The following UGCG variants were observed in gnomAD, a reference collection of about 807,000 sequenced individuals.
UGCG encodes the protein ceramide glucosyltransferase.
UGCG carries 10 observed loss-of-function variants against 49.5 expected under a neutral mutation model. The observed-to-expected ratio is 0.20, with a 90% confidence interval of 0.12 to 0.34. The LOEUF (loss-of-function observed/expected upper bound fraction) is 0.34, where lower values mean the gene tolerates loss of function less well. Ranked by LOEUF, UGCG falls within the 10% of genes least tolerant of loss-of-function variation. UGCG has a pLI of 1.00. For missense variants in UGCG, 312 were observed against 483.7 expected (o/e 0.65, Z 3.33); for synonymous variants, 182 against 158.2 (o/e 1.15, Z -1.13).
chr9:111,934,726 T>C lies in UGCG; in HGVS notation c.*1729T>C, dbSNP rs1437257790. 1.4e-5 allele frequency: 2 copies of C among 146,862 alleles called. No homozygotes were observed. The highest frequency in any genetic ancestry group is 3.0e-5 in the Non-Finnish European group (2 of 66,256). The allele number at this position is 146,862 out of a possible 1,614,324, so 9.1% of individuals were successfully genotyped here. The stretch of plus-strand genomic sequence containing the variant: ...ACTGCTTCATCCTTTTTTCTTTCTT[T>C]TTTTTTTTTTTTAGCCTTATGATGA... On this transcript the variant is annotated 3_prime_UTR_variant, in exon 9 of 9. Coordinates refer to ENST00000374279, the MANE Select transcript of UGCG (RefSeq NM_003358.3).
Position 111,921,458 on chromosome 9 carries a change from C to T in UGCG, c.241-1391C>T, listed in dbSNP as rs547782132. On this transcript the variant is annotated intron_variant, in intron 2 of 8. Transcript: ENST00000374279. ...CAAGGTCACGAGTTTGAGACCAGCC[C>T]GGCCAATGAAACTCCGTCTCTACTA... Among the ~76,000 whole-genome samples, 19 of 151,886 alleles carry T rather than the reference C, an allele frequency of 1.3e-4. No individual in the cohort carries two copies. The South Asian group carries it at 2.5e-3, about 20-fold the overall frequency.
At position 111,897,325 on chromosome 9, in the gene UGCG, A is replaced by G; in HGVS notation, c.98+12A>G. On this transcript the variant is annotated intron_variant, in intron 1 of 8. Transcript: ENST00000374279. ...GCTATCATCTACACGTGAGTGAGGGACCGCAGGAGGGGCTCGGGGCAGGGG... is the reference window on the plus strand; with the variant it reads ...GCTATCATCTACACGTGAGTGAGGGGCCGCAGGAGGGGCTCGGGGCAGGGG... The G allele has an allele frequency of 6.5e-7, 1 of 1,548,932 alleles. No homozygotes were observed. Among genetic ancestry groups the G allele is most frequent in the Non-Finnish European group, 8.7e-7 (1 of 1,146,672 alleles).
chr9:111,897,874 C>T (rs1334482573), intron 1 of UGCG, among the ~76,000 whole-genome samples: 1 of 151,538 alleles, frequency 6.6e-6, no homozygotes, highest in East Asian at 1.9e-4. Context: ...TCAGCTTGTA[C>T]ATCTCAGCGT....
At chr9:111,929,284 AAATT>A (rs1193773253) in intron 5 of UGCG, 1 of 397,136 alleles carries the variant, frequency 2.5e-6, no homozygotes, top group African/African-American at 2.1e-5. Flanking sequence ...TTTTGTATCT[AAATT>A]AAGTTTTATT....
chr9:111,898,857 G>T (rs1020304969), intron 1 of UGCG, among the ~76,000 whole-genome samples: 4 of 152,108 alleles, frequency 2.6e-5, no homozygotes, highest in African/African-American at 9.7e-5. Flanking sequence ...ACTATATTAT[G>T]ATTATTGTTC....
intron 8 of UGCG, 45 bp from the exon 9 acceptor site, chr9:111,932,782 G>T (rs766938787): frequency 6.8e-7 from 1 of 1,480,554 alleles, no homozygotes; most frequent in Non-Finnish European, 9.1e-7. Flanking sequence ...CTTGTCTTTA[G>T]TTTGACAGTG....
intron 1 of UGCG, among the ~76,000 whole-genome samples, chr9:111,898,949 A>G (rs1837716143): frequency 6.6e-6 from 1 of 152,250 alleles, no homozygotes; most frequent in Non-Finnish European, 1.5e-5. Context: ...TAGTTGCTGG[A>G]AGAGTGAAGA....
chr9:111,907,914 C>T (rs1419078444), intron 1 of UGCG, among the ~76,000 whole-genome samples: 1 of 152,226 alleles, frequency 6.6e-6, no homozygotes, highest in Non-Finnish European at 1.5e-5. Flanking sequence ...CAGGCGTGAG[C>T]CACCGCACCC....
At chr9:111,921,684 T>C (rs1204255492) in intron 2 of UGCG, among the ~76,000 whole-genome samples, 1 of 151,674 alleles carries the variant, frequency 6.6e-6, no homozygotes, top group Non-Finnish European at 1.5e-5. Context: ...TAATGGAAAT[T>C]TAGGGGTTCA....
intron 2 of UGCG, among the ~76,000 whole-genome samples, chr9:111,919,344 G>A (rs575642369): frequency 3.9e-5 from 6 of 152,218 alleles, no homozygotes; most frequent in Non-Finnish European, 4.4e-5. Context: ...TTAGCCAGGT[G>A]TGGTGGTGCA....
At chr9:111,931,433 T>G in intron 7 of UGCG, 76 bp downstream of exon 7, 1 of 1,344,138 alleles carries the variant, frequency 7.4e-7, no homozygotes, top group Middle Eastern at 2.0e-4. Flanking sequence ...ACAGGTTTAA[T>G]GTAGTTAAAT....
At chr9:111,904,989 G>A (rs1284097346) in intron 1 of UGCG, among the ~76,000 whole-genome samples, 1 of 152,148 alleles carries the variant, frequency 6.6e-6, no homozygotes, top group Admixed American at 6.5e-5. Context: ...ATTAGCCAGA[G>A]GCAGTGGTAT....
intron 1 of UGCG, among the ~76,000 whole-genome samples, chr9:111,903,213 C>A (rs2131714461): frequency 6.6e-6 from 1 of 152,274 alleles, no homozygotes; most frequent in Non-Finnish European, 1.5e-5. Flanking sequence ...TCCCTGCATC[C>A]CAGGCTTCCC....
intron 5 of UGCG, among the ~76,000 whole-genome samples, chr9:111,928,159 A>G (rs1312626175): frequency 2.0e-5 from 3 of 152,214 alleles, no homozygotes; most frequent in Non-Finnish European, 4.4e-5. Context: ...GGGTAAAGGT[A>G]CATTGTGGGA....
At chr9:111,932,601 C>T (rs1589531487) in intron 8 of UGCG, among the ~76,000 whole-genome samples, 1 of 152,144 alleles carries the variant, frequency 6.6e-6, no homozygotes, top group Non-Finnish European at 1.5e-5. Flanking sequence ...TTAATTAAAT[C>T]AGTGAGTATT....
chr9:111,926,861 C>CTTTTTTTTT lies in UGCG; in HGVS notation c.558+386_558+394dup, dbSNP rs56298523. Reference sequence around the variant, plus strand: ...GAACCGCTGGCCCCCTCCCCCCAGCCTTTTTTTTTTTTTTTTTTTTTTTTT... The same window carrying CTTTTTTTTT: ...GAACCGCTGGCCCCCTCCCCCCAGCCTTTTTTTTTTTTTTTTTTTTTTTTTTTTTTTTTT... On this transcript the variant is annotated intron_variant, in intron 5 of 8. Transcript: ENST00000374279. Among the ~76,000 whole-genome samples, 105 of 56,876 alleles carry CTTTTTTTTT rather than the reference C, an allele frequency of 1.8e-3. 29 individuals are homozygous for CTTTTTTTTT. The highest frequency in any genetic ancestry group is 2.7e-3 in the Non-Finnish European group (75 of 27,518). The allele number at this position is 56,876 out of a possible 152,430, so 37.3% of individuals were successfully genotyped here. A position where few individuals can be genotyped will look rare whatever the true frequency, so the allele number is the denominator to read the frequency against.
chr9:111,908,110 A>AAG (rs1837922035), intron 1 of UGCG, among the ~76,000 whole-genome samples: 2 of 151,870 alleles, frequency 1.3e-5, no homozygotes, highest in African/African-American at 4.8e-5. Context: ...GGGTGGTGGG[A>AAG]AGAGTAGGGC....
At chr9:111,925,233 C>G (rs1021943631) in intron 4 of UGCG, among the ~76,000 whole-genome samples, 1 of 152,170 alleles carries the variant, frequency 6.6e-6, no homozygotes, top group Non-Finnish European at 1.5e-5. Context: ...TACACCGTCT[C>G]ACAAAGGGAC....
chr9:111,924,041 A>G (rs1392388824), intron 3 of UGCG, among the ~76,000 whole-genome samples: 3 of 150,640 alleles, frequency 2.0e-5, no homozygotes, highest in African/African-American at 4.9e-5. Flanking sequence ...ACCCCCCTCG[A>G]CCTCCCAAAG....
Sources: allele counts gnomAD v4.1 joint callset (sites outside exome capture counted in the v4.1 genomes callset), GRCh38; gene constraint gnomAD v4.1.1; transcripts MANE v1.5; gene names NCBI Gene and HGNC (gene_info 2026-07-23, HGNC 2026-07-21).